Variants in NDRG3 observed in about 807,000 individuals in gnomAD.
The protein encoded by NDRG3 is protein NDRG3.
A neutral mutation model predicts 57.2 loss-of-function variants in NDRG3; 23 were observed. The ratio of observed to expected loss-of-function variants is 0.40; its 90% CI spans 0.29 to 0.57. NDRG3 has a LOEUF of 0.57. Among genes scored for constraint, NDRG3 ranks in the 20% least tolerant of loss-of-function variants. The pLI, the probability that NDRG3 is intolerant of heterozygous loss-of-function variation, is 0.42. For missense variants in NDRG3, 384 were observed against 457.3 expected (o/e 0.84, Z 1.46); for synonymous variants, 132 against 162.6 (o/e 0.81, Z 1.43).
intron 1 of NDRG3, among the ~76,000 whole-genome samples, chr20:36,740,284 T>C (rs1317391507): frequency 6.6e-6 from 1 of 152,188 alleles, no homozygotes; most frequent in East Asian, 1.9e-4. Context: ...TTATAAAGAA[T>C]TAAATTCAGA....
chr20:36,736,741 G>T (rs1324613268), intron 1 of NDRG3, among the ~76,000 whole-genome samples: 1 of 152,112 alleles, frequency 6.6e-6, no homozygotes, highest in African/African-American at 2.4e-5. Flanking sequence ...CTCCATGGAA[G>T]ACTTTTAAAA....
intron 2 of NDRG3, among the ~76,000 whole-genome samples, chr20:36,714,904 C>T (rs1251138880): frequency 4.7e-5 from 7 of 150,080 alleles, no homozygotes; most frequent in Non-Finnish European, 5.9e-5. Flanking sequence ...TGAGCCACCG[C>T]GCCAGGCCCA....
intron 13 of NDRG3, among the ~76,000 whole-genome samples, chr20:36,657,588 C>T (rs1211943045): frequency 1.3e-5 from 2 of 152,166 alleles, no homozygotes; most frequent in Middle Eastern, 3.2e-3. Flanking sequence ...CATAGGCCTG[C>T]TCTCTTTCTT....
At chr20:36,723,363 C>T (rs574594687) in intron 1 of NDRG3, among the ~76,000 whole-genome samples, 1 of 152,218 alleles carries the variant, frequency 6.6e-6, no homozygotes, top group Admixed American at 6.5e-5. Context: ...CTCAATATTG[C>T]AGGAAAGTGA....
At chr20:36,745,984 G>A (rs1986172173) in intron 1 of NDRG3, 61 bp downstream of exon 1, 5 of 321,014 alleles carry the variant, frequency 1.6e-5, no homozygotes, top group East Asian at 9.1e-5. Flanking sequence ...GGGCAAAGGA[G>A]CGACGCCCCC....
At chr20:36,736,555 T>G (rs1052216842) in intron 1 of NDRG3, among the ~76,000 whole-genome samples, 3 of 152,172 alleles carry the variant, frequency 2.0e-5, no homozygotes, top group African/African-American at 7.2e-5. Flanking sequence ...GCTCTTAAGT[T>G]TCCTCAGGGT....
chr20:36,703,875 A>C (rs1169886409), intron 3 of NDRG3, among the ~76,000 whole-genome samples: 1 of 152,192 alleles, frequency 6.6e-6, no homozygotes, highest in East Asian at 1.9e-4. Flanking sequence ...CTTAATATTA[A>C]AAAGTGACTC....
In NDRG3 at chr20:36,652,308, G is replaced by A. The variant is rs1365287156; in HGVS notation, c.*1212C>T. On this transcript the variant is annotated 3_prime_UTR_variant, in exon 16 of 16. Transcript: ENST00000349004. ...GGTGCCTGTAGTCTCAGCTACTCGGGAGGCTGAGGCAGGAGAATCGCTTGA... is the reference window on the plus strand; with the variant it reads ...GGTGCCTGTAGTCTCAGCTACTCGGAAGGCTGAGGCAGGAGAATCGCTTGA... 1.3e-5 allele frequency: 2 copies of A among 152,026 alleles called. No individual in the cohort carries two copies. Among genetic ancestry groups the A allele is most frequent in the African/African-American group, 4.8e-5 (2 of 41,382 alleles). The allele number at this position is 152,026 out of a possible 1,614,324, so 9.4% of individuals were successfully genotyped here. A position where few individuals can be genotyped will look rare whatever the true frequency, so the allele number is the denominator to read the frequency against.
At chr20:36,728,514 A>G (rs1985082622) in intron 1 of NDRG3, among the ~76,000 whole-genome samples, 1 of 152,198 alleles carries the variant, frequency 6.6e-6, no homozygotes, top group South Asian at 2.1e-4. Context: ...GGATGGATAC[A>G]TGGACACATA....
chr20:36,696,497 T>C (rs927753466), intron 3 of NDRG3, among the ~76,000 whole-genome samples: 12 of 151,210 alleles, frequency 7.9e-5, no homozygotes, highest in Admixed American at 1.3e-4. Context: ...TTTTTCTTTC[T>C]TTTTTTTCTT....
chr20:36,723,838 C>T (rs746338399), intron 1 of NDRG3, among the ~76,000 whole-genome samples: 1 of 151,932 alleles, frequency 6.6e-6, no homozygotes, highest in Non-Finnish European at 1.5e-5. Context: ...TCCCGAGAAG[C>T]TGGGACTATG....
At chr20:36,695,119 A>G (rs536972094) in intron 3 of NDRG3, among the ~76,000 whole-genome samples, 1 of 152,378 alleles carries the variant, frequency 6.6e-6, no homozygotes, top group African/African-American at 2.4e-5. Flanking sequence ...ATCTCTGAAC[A>G]TAAATTGTGA....
At chr20:36,737,115 T>C (rs1245276861) in intron 1 of NDRG3, among the ~76,000 whole-genome samples, 1 of 152,192 alleles carries the variant, frequency 6.6e-6, no homozygotes, top group Non-Finnish European at 1.5e-5. Flanking sequence ...TATATATTAA[T>C]TCTATCCCTT....
chr20:36,732,100 AAC>A (rs11471057), intron 1 of NDRG3, among the ~76,000 whole-genome samples: 33,129 of 152,070 alleles, frequency 0.22, 4,567 homozygotes, highest in East Asian at 0.48. Context: ...CAGCCTGGGC[AAC>A]AGAGTGAGAC....
At chr20:36,686,736 AC>A (rs551094573) in intron 5 of NDRG3, among the ~76,000 whole-genome samples, 1 of 152,168 alleles carries the variant, frequency 6.6e-6, no homozygotes, top group South Asian at 2.1e-4. Context: ...CTCAGAATAA[AC>A]AGTTACACAG....
chr20:36,728,194 C>G (rs1429425080), intron 1 of NDRG3, among the ~76,000 whole-genome samples: 1 of 151,968 alleles, frequency 6.6e-6, no homozygotes, highest in Non-Finnish European at 1.5e-5. Context: ...GCTGGGACTA[C>G]AGGCACCTGC....
chr20:36,680,676 G>C (rs936099655), intron 8 of NDRG3, 140 bp downstream of exon 8: 1 of 600,444 alleles, frequency 1.7e-6, no homozygotes, highest in South Asian at 2.0e-5. Context: ...TGATTGGATG[G>C]TGATTTTATA....
At chr20:36,708,690 C>A (rs1156572980) in intron 2 of NDRG3, among the ~76,000 whole-genome samples, 2 of 150,582 alleles carry the variant, frequency 1.3e-5, no homozygotes, top group East Asian at 3.9e-4. Flanking sequence ...AGAAATAGTT[C>A]TTTGGGATCC....
At chr20:36,701,600 T>C (rs1388576131) in intron 3 of NDRG3, among the ~76,000 whole-genome samples, 1 of 146,514 alleles carries the variant, frequency 6.8e-6, no homozygotes, top group Admixed American at 7.1e-5. Flanking sequence ...CAGGCTGGAG[T>C]GCAATGGTGC....
Sources: gnomAD v4.1 joint callset for allele counts (sites outside exome capture counted in the v4.1 genomes callset) on GRCh38, gnomAD v4.1.1 for gene constraint, MANE v1.5 for transcripts, NCBI Gene and HGNC (gene_info 2026-07-23, HGNC 2026-07-21) for gene names.